Variants in CTNNA3 observed in about 807,000 individuals in gnomAD.
CTNNA3 encodes catenin alpha 3.
In CTNNA3, 76 loss-of-function variants were observed where a neutral mutation model predicts 95.7. The observed-to-expected ratio is 0.79, with a 90% CI of 0.66 to 0.96. The LOEUF (loss-of-function observed/expected upper bound fraction) is 0.96. CTNNA3 is among the 40% of genes least tolerant of loss of function. The pLI is 0.00. For synonymous variants in CTNNA3, 431 were observed against 374.4 expected, an observed-to-expected ratio of 1.15 and a Z score of -1.74; for missense variants, 1,191 against 1,089.8, an observed-to-expected ratio of 1.09 and a Z score of -1.31.
At position 67,566,043 on chromosome 10, in the gene CTNNA3, GTATATATATATATATATATATA is replaced by G. The variant is rs772272609; in HGVS notation, c.293-26396_293-26375del. 3.7e-4 allele frequency among the ~76,000 whole-genome samples: 10 copies of G among 26,966 alleles called. 1 individual carries two copies. In the South Asian group the frequency reaches 0.017, roughly 46 times the overall value. The allele number at this position is 26,966 out of a possible 152,430, so 17.7% of individuals were successfully genotyped here. A position where few individuals can be genotyped will look rare whatever the true frequency, so the allele number is the denominator to read the frequency against. Reference sequence around the variant, plus strand: ...CACACACACACACATATGTGTGTGTGTATATATATATATATATATATATATATATACAAAACCTAGGCATTAC... The same window carrying G: ...CACACACACACACATATGTGTGTGTGTATATATACAAAACCTAGGCATTAC... On this transcript the variant is annotated intron_variant, in intron 3 of 17. Coordinates refer to ENST00000433211, the MANE Select transcript of CTNNA3 (RefSeq NM_013266.4).
chr10:67,704,914 C>G (rs1441891599), intron 1 of CTNNA3, among the ~76,000 whole-genome samples: 1 of 151,706 alleles, frequency 6.6e-6, no homozygotes, highest in Admixed American at 6.6e-5. Flanking sequence ...CTACAATGAA[C>G]TCAAACAAAT....
chr10:67,404,432 A>G (rs1219626872), intron 5 of CTNNA3, among the ~76,000 whole-genome samples: 1 of 152,048 alleles, frequency 6.6e-6, no homozygotes, highest in Non-Finnish European at 1.5e-5. Context: ...TAATAGCAGA[A>G]TAGGCCAAGC....
At chr10:66,632,160 T>A (rs1013789648) in intron 9 of CTNNA3, among the ~76,000 whole-genome samples, 1 of 152,152 alleles carries the variant, frequency 6.6e-6, no homozygotes, top group Non-Finnish European at 1.5e-5. Context: ...TTATCTCTCA[T>A]AAAATTTGTC....
chr10:66,876,949 T>C (rs1844648912), intron 7 of CTNNA3, among the ~76,000 whole-genome samples: 1 of 152,278 alleles, frequency 6.6e-6, no homozygotes, highest in African/African-American at 2.4e-5. Flanking sequence ...ATTTTGTTCT[T>C]TTAAAGACTA....
At chr10:66,501,100 T>G (rs1469277689) in intron 11 of CTNNA3, among the ~76,000 whole-genome samples, 1 of 152,182 alleles carries the variant, frequency 6.6e-6, no homozygotes, top group Non-Finnish European at 1.5e-5. Flanking sequence ...AAGTGTTAAC[T>G]TATTTATAAA....
At chr10:66,191,765 A>G (rs1176639727) in intron 13 of CTNNA3, among the ~76,000 whole-genome samples, 1 of 152,148 alleles carries the variant, frequency 6.6e-6, no homozygotes, top group Admixed American at 6.6e-5. Flanking sequence ...GGGACAGACT[A>G]TCCATAATGG....
chr10:66,255,746 G>A (rs1338398943), intron 13 of CTNNA3, among the ~76,000 whole-genome samples: 2 of 152,126 alleles, frequency 1.3e-5, no homozygotes, highest in African/African-American at 4.8e-5. Context: ...TTGTCCATAA[G>A]GTGGCAAATG....
intron 5 of CTNNA3, among the ~76,000 whole-genome samples, chr10:67,261,639 C>A (rs764589213): frequency 1.3e-4 from 20 of 152,152 alleles, no homozygotes; most frequent in Middle Eastern, 6.3e-3. Context: ...TAAAAATCCA[C>A]GGATGTTCCC....
chr10:66,946,839 C>T (rs1848298446), intron 7 of CTNNA3, among the ~76,000 whole-genome samples: 1 of 152,068 alleles, frequency 6.6e-6, no homozygotes, highest in Admixed American at 6.6e-5. Flanking sequence ...CTTGGAAGTT[C>T]TTGATAAACT....
At chr10:67,235,743 G>A (rs1403628973) in intron 5 of CTNNA3, among the ~76,000 whole-genome samples, 1 of 143,870 alleles carries the variant, frequency 7.0e-6, no homozygotes, top group East Asian at 2.1e-4. Context: ...CAAAATGGGA[G>A]AAAATTTTTG....
At chr10:66,429,075 A>G (rs1459126641) in intron 11 of CTNNA3, among the ~76,000 whole-genome samples, 2 of 152,066 alleles carry the variant, frequency 1.3e-5, no homozygotes, top group Non-Finnish European at 2.9e-5. Flanking sequence ...AGGGGATATC[A>G]CCACCGATCC....
chr10:66,010,858 C>T (rs1214824524), intron 15 of CTNNA3, among the ~76,000 whole-genome samples: 1 of 152,144 alleles, frequency 6.6e-6, no homozygotes, highest in Admixed American at 6.5e-5. Context: ...GCCACCACTA[C>T]CAGAAGGTGG....
chr10:67,609,499 T>C (rs1163394200), intron 2 of CTNNA3, among the ~76,000 whole-genome samples: 2 of 152,138 alleles, frequency 1.3e-5, no homozygotes, highest in African/African-American at 4.8e-5. Flanking sequence ...ATGAAAATCA[T>C]TTTCATCTGC....
At chr10:66,245,267 A>C (rs1453726609) in intron 13 of CTNNA3, among the ~76,000 whole-genome samples, 1 of 152,130 alleles carries the variant, frequency 6.6e-6, no homozygotes, top group Non-Finnish European at 1.5e-5. Flanking sequence ...CTGGCCCTGG[A>C]AGCACATTGG....
intron 15 of CTNNA3, among the ~76,000 whole-genome samples, chr10:66,066,653 T>C (rs548151129): frequency 1.5e-3 from 223 of 152,320 alleles, no homozygotes; most frequent in African/African-American, 5.3e-3. Flanking sequence ...TGAAATTCCA[T>C]GTATAATACA....
intron 17 of CTNNA3, among the ~76,000 whole-genome samples, chr10:65,960,537 A>T (rs1268439746): frequency 6.6e-6 from 1 of 151,836 alleles, no homozygotes; most frequent in Non-Finnish European, 1.5e-5. Flanking sequence ...CAACAAAAAA[A>T]AAGATTCAGG....
intron 7 of CTNNA3, among the ~76,000 whole-genome samples, chr10:66,939,207 C>T (rs1847874748): frequency 6.6e-6 from 1 of 152,188 alleles, no homozygotes; most frequent in Admixed American, 6.5e-5. Flanking sequence ...ATGCAGAAGG[C>T]ATGTTAGATC....
chr10:66,699,229 T>G lies in CTNNA3; in HGVS notation c.1281+67035A>C, dbSNP rs1038655298. On this transcript the variant is annotated intron_variant, in intron 9 of 17. Transcript: ENST00000433211. ...GCTGATTTCATTTCCTCTGGATATATACCCAGAAAAGGGATTGTTGGATCA... is the reference window on the plus strand; with the variant it reads ...GCTGATTTCATTTCCTCTGGATATAGACCCAGAAAAGGGATTGTTGGATCA... Among the ~76,000 whole-genome samples, 22 of 152,156 alleles carry G rather than the reference T, an allele frequency of 1.4e-4. 1 individual carries two copies. The highest frequency in any genetic ancestry group is 5.3e-4 in the African/African-American group (22 of 41,440).
In CTNNA3 at chr10:66,087,502, G is replaced by T. The variant is rs1279791189; in HGVS notation, c.1977+15655C>A. 2.0e-5 allele frequency among the ~76,000 whole-genome samples: 3 copies of T among 151,990 alleles called. No homozygotes were observed. The South Asian group carries it at 6.2e-4, about 32-fold the overall frequency. On this transcript the variant is annotated intron_variant, in intron 14 of 17. Transcript: ENST00000433211. ...CAGCTACTACAACAAAGAATTGTCT[G>T]GTCCAAAATGTCAACAGTACACGGT...
Sources: allele counts gnomAD v4.1 joint callset (sites outside exome capture counted in the v4.1 genomes callset), GRCh38; gene constraint gnomAD v4.1.1; transcripts MANE v1.5; gene names NCBI Gene and HGNC (gene_info 2026-07-23, HGNC 2026-07-21).